DHRSX: variants seen among roughly 807,000 people sequenced by gnomAD.
The protein encoded by DHRSX is dehydrogenase/reductase X-linked.
In DHRSX, 31 loss-of-function variants were observed where a neutral mutation model predicts 34.0. That is an observed-to-expected ratio of 0.91 (90% CI 0.69 to 1.23). The LOEUF (loss-of-function observed/expected upper bound fraction) is 1.23. Among genes scored for constraint, DHRSX ranks in the 50% most tolerant of loss-of-function variants. The pLI, the probability that DHRSX is intolerant of heterozygous loss-of-function variation, is 0.00. For synonymous variants in DHRSX, 201 were observed against 183.8 expected, an observed-to-expected ratio of 1.09 and a Z score of -0.76; for missense variants, 414 against 428.1, an observed-to-expected ratio of 0.97 and a Z score of 0.29.
chrX:2,272,431 C>G (rs2041570155), intron 4 of DHRSX, among the ~76,000 whole-genome samples: 1 of 152,128 alleles, frequency 6.6e-6, no homozygotes, highest in South Asian at 2.1e-4. Flanking sequence ...CACTCGTCTC[C>G]TTGGGAGCTA....
intron 4 of DHRSX, among the ~76,000 whole-genome samples, chrX:2,275,804 TAAATA>T (rs1225626364): frequency 6.1e-4 from 91 of 148,960 alleles, no homozygotes; most frequent in African/African-American, 2.0e-3. Flanking sequence ...AGGAAATAAA[TAAATA>T]AAATAAAATA....
At chrX:2,423,315 A>C (rs1208768664) in intron 2 of DHRSX, among the ~76,000 whole-genome samples, 1 of 152,210 alleles carries the variant, frequency 6.6e-6, no homozygotes, top group East Asian at 2.0e-4. Context: ...CTGGAGGCTG[A>C]GGCAGGAGAG....
intron 3 of DHRSX, among the ~76,000 whole-genome samples, chrX:2,378,661 T>A (rs748883637): frequency 1.1e-4 from 17 of 152,158 alleles, no homozygotes; most frequent in South Asian, 4.2e-4. Context: ...CATACTATAT[T>A]TTTTTCTCTT....
chrX:2,407,230 GCTGAGCGAC>G (rs1810630555), intron 3 of DHRSX, among the ~76,000 whole-genome samples: 2 of 152,184 alleles, frequency 1.3e-5, no homozygotes, highest in East Asian at 3.9e-4. Context: ...GCAGACTTTG[GCTGAGCGAC>G]GGATGAACAA....
intron 3 of DHRSX, among the ~76,000 whole-genome samples, chrX:2,299,085 A>G (rs1422022079): frequency 6.6e-6 from 1 of 152,110 alleles, no homozygotes; most frequent in African/African-American, 2.4e-5. Flanking sequence ...ACTCTTAGCA[A>G]CTGCCAGTAT....
chrX:2,373,058 G>C (rs2043096504), intron 3 of DHRSX, among the ~76,000 whole-genome samples: 1 of 152,200 alleles, frequency 6.6e-6, no homozygotes, highest in Non-Finnish European at 1.5e-5. Context: ...CACGGGGTTG[G>C]GGAGGCCTCA....
intron 3 of DHRSX, among the ~76,000 whole-genome samples, chrX:2,350,954 G>A (rs1048307067): frequency 3.3e-5 from 5 of 152,102 alleles, no homozygotes; most frequent in Admixed American, 1.3e-4. Context: ...GCTGGAAACT[G>A]TTATTCTCAG....
chrX:2,459,354 AAT>A (rs963442215), intron 1 of DHRSX, among the ~76,000 whole-genome samples: 3 of 151,886 alleles, frequency 2.0e-5, no homozygotes, highest in Admixed American at 6.6e-5. Flanking sequence ...TTAGCTTGTT[AAT>A]ATGTTAATTA....
chrX:2,257,895 G>T (rs1011782842), intron 5 of DHRSX, among the ~76,000 whole-genome samples: 4 of 152,170 alleles, frequency 2.6e-5, no homozygotes, highest in Admixed American at 6.6e-5. Context: ...CCAAAGTGCT[G>T]GGATTACAGG....
chrX:2,274,996 G>A (rs781420797), intron 4 of DHRSX, among the ~76,000 whole-genome samples: 11 of 152,216 alleles, frequency 7.2e-5, no homozygotes, highest in South Asian at 2.1e-4. Context: ...CCTAGGAAGA[G>A]ATGATGGTAC....
At chrX:2,222,165 G>GT (rs1431936969) in intron 6 of DHRSX, among the ~76,000 whole-genome samples, 3 of 152,186 alleles carry the variant, frequency 2.0e-5, no homozygotes, top group Non-Finnish European at 4.4e-5. Flanking sequence ...AGCAACAAAT[G>GT]TTTACCGGTT....
intron 2 of DHRSX, among the ~76,000 whole-genome samples, chrX:2,410,534 C>T (rs2043612917): frequency 6.6e-6 from 1 of 152,200 alleles, no homozygotes; most frequent in African/African-American, 2.4e-5. Flanking sequence ...CTCTCTTTGG[C>T]ATTCCTGAAT....
At chrX:2,358,949 G>C (rs1182898838) in intron 3 of DHRSX, among the ~76,000 whole-genome samples, 1 of 129,496 alleles carries the variant, frequency 7.7e-6, no homozygotes, top group Non-Finnish European at 1.7e-5. Context: ...ACTCTGTCTC[G>C]GAAAAAAAAA....
intron 3 of DHRSX, among the ~76,000 whole-genome samples, chrX:2,384,775 G>C (rs1363686552): frequency 6.7e-5 from 5 of 74,162 alleles, no homozygotes; most frequent in African/African-American, 1.7e-4. Context: ...GGTGGGGGGA[G>C]GGGGGGGATG....
chrX:2,339,559 G>A (rs982932636), intron 3 of DHRSX, among the ~76,000 whole-genome samples: 8 of 151,914 alleles, frequency 5.3e-5, no homozygotes, highest in African/African-American at 1.2e-4. Context: ...CTCTCCCCAA[G>A]TCCCCAAAGT....
chrX:2,364,865 AATCT>A (rs1165052427), intron 3 of DHRSX, among the ~76,000 whole-genome samples: 4 of 152,158 alleles, frequency 2.6e-5, no homozygotes, highest in African/African-American at 9.7e-5. Flanking sequence ...CATTGATCAC[AATCT>A]ATCATTGACC....
chrX:2,469,871 G>A (rs1216237511), intron 1 of DHRSX, among the ~76,000 whole-genome samples: 1 of 152,168 alleles, frequency 6.6e-6, no homozygotes. Context: ...GGAAAGAATG[G>A]TGTGCAGGAT....
chrX:2,244,422 G>A (rs1463818873), intron 5 of DHRSX, among the ~76,000 whole-genome samples: 1 of 152,066 alleles, frequency 6.6e-6, no homozygotes, highest in Non-Finnish European at 1.5e-5. Flanking sequence ...ACTTTTTAAA[G>A]AGATGTTATT....
At chrX:2,276,016 G>A (rs2041630550) in intron 4 of DHRSX, among the ~76,000 whole-genome samples, 1 of 151,958 alleles carries the variant, frequency 6.6e-6, no homozygotes, top group African/African-American at 2.4e-5. Context: ...GCTAATTTCT[G>A]TATTTTTAGT....
Sources: gnomAD v4.1 joint callset for allele counts (sites outside exome capture counted in the v4.1 genomes callset) on GRCh38, gnomAD v4.1.1 for gene constraint, MANE v1.5 for transcripts, NCBI Gene and HGNC (gene_info 2026-07-23, HGNC 2026-07-21) for gene names.